The following DLG2 variants were observed in gnomAD, a reference collection of about 807,000 sequenced individuals.
The protein encoded by DLG2 is disks large homolog 2.
In DLG2, 45 loss-of-function variants were observed where a neutral mutation model predicts 132.5. The observed-to-expected ratio is 0.34, with a 90% CI of 0.27 to 0.44. The LOEUF (loss-of-function observed/expected upper bound fraction) is 0.44, where lower values mean the gene tolerates loss of function less well. Ranked by LOEUF, DLG2 falls within the 20% of genes least tolerant of loss-of-function variation. The pLI, the probability that DLG2 is intolerant of heterozygous loss-of-function variation, is 1.00. For missense variants in DLG2, 1,045 were observed against 1,196.9 expected (o/e 0.87, Z 1.87); for synonymous variants, 424 against 419.6 (o/e 1.01, Z -0.13).
chr11:84,237,607 A>G (rs1011110839), intron 8 of DLG2, among the ~76,000 whole-genome samples: 11 of 152,222 alleles, frequency 7.2e-5, no homozygotes, highest in African/African-American at 2.7e-4. Flanking sequence ...CTGTTCATGA[A>G]GAGGAAACTA....
intron 19 of DLG2, among the ~76,000 whole-genome samples, chr11:83,554,353 T>C (rs2096469257): frequency 6.6e-6 from 1 of 152,220 alleles, no homozygotes; most frequent in Non-Finnish European, 1.5e-5. Context: ...TTTTGCTGTT[T>C]ACTTGCTCTG....
intron 19 of DLG2, among the ~76,000 whole-genome samples, chr11:83,620,210 A>G (rs2061412732): frequency 6.6e-6 from 1 of 152,172 alleles, no homozygotes; most frequent in African/African-American, 2.4e-5. Flanking sequence ...AATGTAGAAT[A>G]TACAATGTTA....
intron 18 of DLG2, among the ~76,000 whole-genome samples, chr11:83,633,952 G>GCAAAAAA (rs1190440865): frequency 7.3e-6 from 1 of 137,060 alleles, no homozygotes; most frequent in African/African-American, 3.6e-5. Flanking sequence ...AAAGCAAAAA[G>GCAAAAAA]CAAAAAACAA....
At chr11:85,034,178 C>T (rs559386490) in intron 6 of DLG2, among the ~76,000 whole-genome samples, 17 of 151,558 alleles carry the variant, frequency 1.1e-4, no homozygotes, top group Admixed American at 1.1e-3. Context: ...CCCAGGTTCA[C>T]GCCATTCTCC....
At position 83,613,384 on chromosome 11, in the gene DLG2, T is replaced by C. The variant is rs961491274; in HGVS notation, c.1940+19827A>G. On this transcript the variant is annotated intron_variant, in intron 19 of 27. Transcript: ENST00000376104. ...TGGCGCTCAGCTGCACTCTGAACAT[T>C]TTCAAAGGGACCTCATGAAAATTAA... is the stretch of plus-strand genomic sequence containing the variant. Among the ~76,000 whole-genome samples the C allele has an allele frequency of 1.1e-4, 16 of 152,302 alleles. No homozygotes were observed. In the South Asian group the frequency reaches 2.5e-3, roughly 24 times the overall value.
At chr11:83,943,570 C>A (rs115694939) in intron 14 of DLG2, among the ~76,000 whole-genome samples, 1 of 152,170 alleles carries the variant, frequency 6.6e-6, no homozygotes, top group African/African-American at 2.4e-5. Flanking sequence ...TTAAATTTGT[C>A]AATCTCAAAT....
intron 4 of DLG2, among the ~76,000 whole-genome samples, chr11:85,155,800 G>C (rs1379026362): frequency 6.6e-6 from 1 of 151,544 alleles, no homozygotes; most frequent in South Asian, 2.1e-4. Context: ...AACCAGGGAG[G>C]TGCAGGTTGC....
rs533594314 is a variant in DLG2, at chr11:83,887,534, G to A, written c.1497-13046C>T. Reference sequence around the variant, plus strand: ...CTACCAGAGGTATAAGGAGGAACTCGTACCATTCCTTGTGAAACTATTCCA... The same window carrying A: ...CTACCAGAGGTATAAGGAGGAACTCATACCATTCCTTGTGAAACTATTCCA... On this transcript the variant is annotated intron_variant, in intron 15 of 27. Transcript: ENST00000376104. Among the ~76,000 whole-genome samples the A allele has an allele frequency of 4.7e-4, 72 of 152,052 alleles. 1 individual carries two copies. The highest frequency in any genetic ancestry group is 4.7e-4 in the Non-Finnish European group (32 of 68,014).
rs1384996660 is a variant in DLG2 at position 84,329,600 on chromosome 11, T to C, written c.520-78309A>G. ...ATACAGAACTGTGAGTCAATTAAGC[T>C]TGTTTCCTTTATAAATTACCCAGTC... is the stretch of plus-strand genomic sequence containing the variant. On this transcript the variant is annotated intron_variant, in intron 7 of 27. Coordinates refer to ENST00000376104, the MANE Select transcript of DLG2 (RefSeq NM_001142699.3). Among the ~76,000 whole-genome samples the C allele has an allele frequency of 2.0e-5, 3 of 152,322 alleles. No homozygotes were observed. In the Middle Eastern group the frequency reaches 0.01, roughly 518 times the overall value.
At chr11:83,840,322 C>T (rs2057268581) in intron 16 of DLG2, among the ~76,000 whole-genome samples, 1 of 152,168 alleles carries the variant, frequency 6.6e-6, no homozygotes, top group South Asian at 2.1e-4. Context: ...AGATGCCTGG[C>T]AGGTAGCAGA....
At chr11:83,576,727 A>C (rs1318428529) in intron 19 of DLG2, among the ~76,000 whole-genome samples, 1 of 152,218 alleles carries the variant, frequency 6.6e-6, no homozygotes, top group Non-Finnish European at 1.5e-5. Flanking sequence ...TTTTTCAAAC[A>C]TAAAATGCTG....
chr11:83,969,837 T>C (rs561422388), intron 12 of DLG2, among the ~76,000 whole-genome samples: 1 of 152,134 alleles, frequency 6.6e-6, no homozygotes, highest in South Asian at 2.1e-4. Context: ...CCTCTCAAAG[T>C]GCTGGGATTA....
intron 7 of DLG2, among the ~76,000 whole-genome samples, chr11:84,343,324 A>C (rs972100366): frequency 6.6e-6 from 1 of 152,220 alleles, no homozygotes; most frequent in Non-Finnish European, 1.5e-5. Context: ...AGATATTACA[A>C]AGTTATATTT....
chr11:84,653,691 C>G (rs188096573), intron 6 of DLG2, among the ~76,000 whole-genome samples: 83 of 152,262 alleles, frequency 5.5e-4, no homozygotes, highest in African/African-American at 1.8e-3. Flanking sequence ...ATAATTCCAC[C>G]AGTATATGTT....
chr11:84,848,852 T>C (rs1425289074), intron 6 of DLG2, among the ~76,000 whole-genome samples: 1 of 152,218 alleles, frequency 6.6e-6, no homozygotes, highest in Admixed American at 6.6e-5. Flanking sequence ...TAATTAAGCC[T>C]AACTTCTGGT....
intron 6 of DLG2, among the ~76,000 whole-genome samples, chr11:84,954,631 A>G (rs2051399479): frequency 6.6e-6 from 1 of 152,188 alleles, no homozygotes; most frequent in Non-Finnish European, 1.5e-5. Flanking sequence ...CCGCAATCCC[A>G]TCAGACATTG....
At chr11:85,021,244 A>G in intron 6 of DLG2, 1 of 1,283,938 alleles carries the variant, frequency 7.8e-7, no homozygotes, top group South Asian at 1.2e-5. Context: ...AGCCCGAGCA[A>G]TAGGAGGAGG....
intron 6 of DLG2, among the ~76,000 whole-genome samples, chr11:84,782,084 C>T (rs1046729583): frequency 5.3e-5 from 8 of 152,060 alleles, no homozygotes; most frequent in East Asian, 1.9e-4. Flanking sequence ...GAAATCAAGA[C>T]AAGAAACACT....
intron 6 of DLG2, among the ~76,000 whole-genome samples, chr11:85,013,989 T>G (rs2059365598): frequency 6.6e-6 from 1 of 152,186 alleles, no homozygotes; most frequent in African/African-American, 2.4e-5. Context: ...TGTTAGCACT[T>G]TATTACTAAA....
Sources: allele counts gnomAD v4.1 joint callset (sites outside exome capture counted in the v4.1 genomes callset), GRCh38; gene constraint gnomAD v4.1.1; transcripts MANE v1.5; gene names NCBI Gene and HGNC (gene_info 2026-07-23, HGNC 2026-07-21).